Variants in MSI2 observed in about 807,000 individuals in gnomAD.
MSI2 encodes RNA-binding protein Musashi homolog 2.
Under a neutral mutation model 45.6 loss-of-function variants are expected in MSI2, and 17 were observed. That is an observed-to-expected ratio of 0.37 (90% confidence interval 0.26 to 0.56). The LOEUF is 0.56. MSI2 is among the 20% of genes least tolerant of loss of function. The probability of loss-of-function intolerance (pLI) is 0.77; values close to 1 mark genes in which losing one functional copy is unlikely to be tolerated. For missense variants in MSI2, 293 were observed against 444.2 expected, an observed-to-expected ratio of 0.66 and a Z score of 3.06; for synonymous variants, 156 against 158.2, an observed-to-expected ratio of 0.99 and a Z score of 0.11.
chr17:57,656,305 T>C lies in MSI2; in HGVS notation c.790+4144T>C, dbSNP rs931499053. 5.9e-5 allele frequency among the ~76,000 whole-genome samples: 9 copies of C among 152,312 alleles called. No homozygotes were observed. In the South Asian group the frequency reaches 8.3e-4, roughly 14 times the overall value. On this transcript the variant is annotated intron_variant, in intron 11 of 13. Coordinates refer to ENST00000284073, the MANE Select transcript of MSI2 (RefSeq NM_138962.4). ...CTCTGTTGATATCGTCCAATTATAG[T>C]GCAAAAATGGAGCCAGGATTGGAAG... is the stretch of plus-strand genomic sequence containing the variant.
chr17:57,608,105 G>A (rs1906830236), intron 8 of MSI2, among the ~76,000 whole-genome samples: 1 of 152,248 alleles, frequency 6.6e-6, no homozygotes, highest in Admixed American at 6.5e-5. Context: ...GAAAAGGACT[G>A]CAGAGTGGTT....
chr17:57,542,592 A>T (rs2087074542), intron 7 of MSI2, among the ~76,000 whole-genome samples: 2 of 152,200 alleles, frequency 1.3e-5, no homozygotes, highest in South Asian at 4.1e-4. Context: ...ATTAAGTGAG[A>T]CTGAAAGATG....
intron 6 of MSI2, among the ~76,000 whole-genome samples, chr17:57,451,622 C>T (rs2085021157): frequency 6.6e-6 from 1 of 152,194 alleles, no homozygotes; most frequent in African/African-American, 2.4e-5. Context: ...ATCTCATTCT[C>T]ACCTGCTTCT....
intron 6 of MSI2, among the ~76,000 whole-genome samples, chr17:57,511,742 T>G (rs2086361227): frequency 6.6e-6 from 1 of 152,182 alleles, no homozygotes; most frequent in South Asian, 2.1e-4. Context: ...AATGGGGTAT[T>G]GGTTTCAGCA....
chr17:57,660,797 T>G (rs1911936709), intron 11 of MSI2, among the ~76,000 whole-genome samples: 1 of 152,154 alleles, frequency 6.6e-6, no homozygotes, highest in Non-Finnish European at 1.5e-5. Flanking sequence ...CCTGCTTTAT[T>G]CTGGCTGGAG....
the MSI2 span, among the ~76,000 whole-genome samples, chr17:57,692,954 T>G: frequency 9.2e-3 from 1,398 of 151,942 alleles, 29 homozygotes; most frequent in African/African-American, 0.032. Flanking sequence ...CTGCTTGAGA[T>G]TCTTTGAACT....
intron 6 of MSI2, among the ~76,000 whole-genome samples, chr17:57,406,269 C>T (rs1002766363): frequency 8.5e-5 from 13 of 152,142 alleles, no homozygotes; most frequent in Admixed American, 2.6e-4. Context: ...CTGTTCTGCA[C>T]TGTTCTCCCG....
intron 6 of MSI2, among the ~76,000 whole-genome samples, chr17:57,445,904 G>A (rs953545798): frequency 6.6e-6 from 1 of 152,144 alleles, no homozygotes; most frequent in African/African-American, 2.4e-5. Context: ...GTTCTGTGAC[G>A]GAATGAGTTT....
At chr17:57,549,576 T>A (rs2087256790) in intron 7 of MSI2, among the ~76,000 whole-genome samples, 1 of 152,240 alleles carries the variant, frequency 6.6e-6, no homozygotes, top group South Asian at 2.1e-4. Context: ...TTCGAGTGAA[T>A]GGATGAATGA....
chr17:57,256,823 C>A lies in MSI2; in HGVS notation c.62+19C>A. 1 of 1,448,748 alleles carries A rather than the reference C, an allele frequency of 6.9e-7. No individual in the cohort carries two copies. Among genetic ancestry groups the A allele is most frequent in the Non-Finnish European group, 9.1e-7 (1 of 1,102,488 alleles). 89.7% of individuals were successfully genotyped at this position (1,448,748 alleles called of 1,614,324 possible). On this transcript the variant is annotated intron_variant, in intron 1 of 13. Coordinates refer to ENST00000284073, the MANE Select transcript of MSI2 (RefSeq NM_138962.4). ...ACCCCGGGTAAGTTTCCAGCCGCTG[C>A]CCACCGCGCCGCCTTGGGCTCGCTC...
chr17:57,401,182 G>A (rs2083982825), intron 5 of MSI2, among the ~76,000 whole-genome samples, 197 bp from the exon 6 acceptor site: 1 of 152,180 alleles, frequency 6.6e-6, no homozygotes, highest in Non-Finnish European at 1.5e-5. Context: ...CTTTTAGGTT[G>A]CCATCTGAAT....
At chr17:57,368,524 C>G (rs959261371) in intron 5 of MSI2, among the ~76,000 whole-genome samples, 3 of 151,898 alleles carry the variant, frequency 2.0e-5, no homozygotes, top group African/African-American at 4.8e-5. Flanking sequence ...CACTGTGCTC[C>G]CACCTGGGTG....
intron 5 of MSI2, among the ~76,000 whole-genome samples, chr17:57,310,698 G>T (rs1912323862): frequency 6.6e-6 from 1 of 152,176 alleles, no homozygotes; most frequent in Non-Finnish European, 1.5e-5. Flanking sequence ...AGGCACTTTG[G>T]TTCTTCATTG....
At chr17:57,397,794 G>A (rs1338466554) in intron 5 of MSI2, among the ~76,000 whole-genome samples, 1 of 152,206 alleles carries the variant, frequency 6.6e-6, no homozygotes, top group Non-Finnish European at 1.5e-5. Flanking sequence ...TCCTAAAGCC[G>A]AGACACTGGT....
chr17:57,563,746 G>GCGCACACACACACACACACACACA (rs534460755), intron 7 of MSI2, among the ~76,000 whole-genome samples: 93 of 139,392 alleles, frequency 6.7e-4, no homozygotes, highest in Non-Finnish European at 1.1e-3. Flanking sequence ...ACACAGGCGC[G>GCGCACACACACACACACACACACA]CACACACACA....
At chr17:57,448,958 T>G (rs1032590609) in intron 6 of MSI2, 1 of 152,264 alleles carries the variant, frequency 6.6e-6, no homozygotes, top group African/African-American at 2.4e-5. Flanking sequence ...GGGCCTAGCG[T>G]GATGCCTGGC....
At chr17:57,578,169 T>C (rs2088101633) in intron 7 of MSI2, among the ~76,000 whole-genome samples, 1 of 152,232 alleles carries the variant, frequency 6.6e-6, no homozygotes, top group Admixed American at 6.5e-5. Flanking sequence ...ATATTAAAGC[T>C]TTAAGAATCT....
At chr17:57,409,930 C>T (rs1299715140) in intron 6 of MSI2, among the ~76,000 whole-genome samples, 1 of 137,376 alleles carries the variant, frequency 7.3e-6, no homozygotes, top group Non-Finnish European at 1.5e-5. Context: ...ATCTCTTGAA[C>T]CCAGGAGGTG....
intron 6 of MSI2, chr17:57,448,929 A>G (rs1273383642): frequency 6.6e-6 from 1 of 152,250 alleles, no homozygotes; most frequent in Non-Finnish European, 1.5e-5. Flanking sequence ...CGAGGATCAC[A>G]CAAGATCATG....
Sources: gnomAD v4.1 joint callset for allele counts (sites outside exome capture counted in the v4.1 genomes callset) on GRCh38, gnomAD v4.1.1 for gene constraint, MANE v1.5 for transcripts, NCBI Gene and HGNC (gene_info 2026-07-23, HGNC 2026-07-21) for gene names.